NUCB2: variants seen among roughly 807,000 people sequenced by gnomAD.
The protein encoded by NUCB2 is nucleobindin-2.
Under a neutral mutation model 57.9 loss-of-function variants are expected in NUCB2, and 48 were observed. The observed-to-expected ratio is 0.83, with a 90% confidence interval of 0.66 to 1.05. The LOEUF is 1.05. Among genes scored for constraint, NUCB2 ranks in the 50% least tolerant of loss-of-function variants. The probability of loss-of-function intolerance (pLI) is 0.00; values close to 1 mark genes in which losing one functional copy is unlikely to be tolerated. For missense variants in NUCB2, 442 were observed against 476.2 expected (o/e 0.93, Z 0.67); for synonymous variants, 139 against 152.1 (o/e 0.91, Z 0.64).
intron 11 of NUCB2, among the ~76,000 whole-genome samples, chr11:17,317,185 G>C (rs192712493): frequency 6.6e-6 from 1 of 151,864 alleles, no homozygotes; most frequent in African/African-American, 2.4e-5. Flanking sequence ...TTTCAACCAG[G>C]TTTAACTACA....
chr11:17,341,924 A>C lies in NUCB2; in HGVS notation n.2626+4390A>C, dbSNP rs547440875. ...TCCTCCTTGTACCTCTGGTAGAATTAGGCTGTGAATCCATCTGGTCCTGGA... is the reference window on the plus strand; with the variant it reads ...TCCTCCTTGTACCTCTGGTAGAATTCGGCTGTGAATCCATCTGGTCCTGGA... On this transcript the variant is annotated intron_variant and non_coding_transcript_variant, in intron 2 of 2. Transcript: ENST00000532240. Among the ~76,000 whole-genome samples the C allele has an allele frequency of 1.6e-4, 25 of 152,216 alleles. No individual in the cohort carries two copies. In the South Asian group the frequency reaches 2.1e-3, roughly 13 times the overall value.
At chr11:17,339,423 C>T (rs892922426) in intron 2 of NUCB2, among the ~76,000 whole-genome samples, 4 of 151,912 alleles carry the variant, frequency 2.6e-5, no homozygotes, top group East Asian at 1.9e-4. Context: ...CATATGTATA[C>T]GTGTGCCATG....
At chr11:17,344,034 T>C (rs368366437) in intron 2 of NUCB2, among the ~76,000 whole-genome samples, 7 of 152,308 alleles carry the variant, frequency 4.6e-5, no homozygotes, top group African/African-American at 1.7e-4. Flanking sequence ...CCCTCATTCC[T>C]GGTTTGGTTT....
In NUCB2 at chr11:17,309,649, A is replaced by G. The variant is rs757636263; in HGVS notation, c.457A>G (p.Thr153Ala). 3 of 1,605,820 alleles carry G rather than the reference A, an allele frequency of 1.9e-6. No homozygotes were observed. In the Admixed American group the frequency reaches 5.2e-5, roughly 28 times the overall value. ...NHLNPDKFES[T>A]DLDMLIKAAT... is the part of the protein sequence containing the mutation. ...CCTGAATCCTGACAAGTTTGAATCC[A>G]CAGATTTAGATATGCTAATCAAAGC... is the stretch of plus-strand genomic sequence containing the variant. Residue 153 changes from threonine to alanine, a missense_variant, in exon 6 of 14, where the codon ACA becomes GCA. By Grantham distance (58) the Thr-to-Ala change is moderately conservative. Coordinates refer to ENST00000529010, the MANE Select transcript of NUCB2 (RefSeq NM_005013.4).
chr11:17,340,665 T>C (rs1332516308), intron 2 of NUCB2, among the ~76,000 whole-genome samples: 3 of 152,326 alleles, frequency 2.0e-5, no homozygotes, highest in South Asian at 2.1e-4. Context: ...GTTGTAGATA[T>C]GCGGCATTAT....
Position 17,309,574 on chromosome 11 carries a change from A to G in NUCB2, c.382A>G (p.Ile128Val). ...IKAKLDSLQD[I>V]GMDHQALLKQ... ...ACAGTTTTCTTATTTTCTTTCAGAT[A>G]TAGGCATGGACCACCAAGCTCTTCT... Residue 128 changes from isoleucine to valine, a missense_variant and splice_region_variant, in exon 6 of 14, where the codon ATA (isoleucine) becomes GTA (valine). Ile to Val is a conservative substitution (Grantham distance 29). Transcript: ENST00000529010. 2.6e-6 allele frequency: 4 copies of G among 1,551,168 alleles called. No homozygotes were observed. The highest frequency in any genetic ancestry group is 1.7e-4 in the Middle Eastern group (1 of 5,810).
rs374810599 is a variant in NUCB2, at chr11:17,311,315, A to G, written c.760+32A>G. 8 of 1,420,396 alleles carry G rather than the reference A, an allele frequency of 5.6e-6. No individual in the cohort carries two copies. In the African/African-American group the frequency reaches 7.1e-5, roughly 13 times the overall value. 88.0% of individuals were successfully genotyped at this position (1,420,396 alleles called of 1,614,324 possible). On this transcript the variant is annotated intron_variant, in intron 8 of 13. Transcript: ENST00000529010. ...ATTTGATACAAATATTAATATTTATATCTGCTGCTTGAAAAAGTATTTGCT... is the reference window on the plus strand; with the variant it reads ...ATTTGATACAAATATTAATATTTATGTCTGCTGCTTGAAAAAGTATTTGCT...
chr11:17,295,459 G>A lies in NUCB2; in HGVS notation c.136G>A (p.Glu46Lys). Residue 46 changes from glutamate (E) to lysine (K), a missense_variant, in exon 3 of 14, where the codon GAA (glutamate) becomes AAA (lysine). By Grantham distance (56) the Glu-to-Lys change is moderately conservative. Coordinates refer to ENST00000529010, the MANE Select transcript of NUCB2 (RefSeq NM_005013.4). ...TCACCCTGTGGAAAGTGCGAAGATA[G>A]AACCACCAGTAAGTGAAATGAAGTG... Reference protein sequence around the residue: ...NIHPVESAKIEPPDTGLYYDE... With the variant: ...NIHPVESAKIKPPDTGLYYDE... 6.2e-7 allele frequency: 1 copy of A among 1,608,300 alleles called. No individual in the cohort carries two copies. The highest frequency in any genetic ancestry group is 1.1e-5 in the South Asian group (1 of 90,172).
chr11:17,288,549 C>CTTTTTTTTTTTTT (rs752336919), intron 2 of NUCB2, among the ~76,000 whole-genome samples: 3 of 75,856 alleles, frequency 4.0e-5, no homozygotes, highest in East Asian at 8.5e-4. Context: ...TCTTCTTCTT[C>CTTTTTTTTTTTTT]TTCTTTTTTT....
chr11:17,277,883 C>T (rs1190846915), intron 1 of NUCB2, among the ~76,000 whole-genome samples: 1 of 152,022 alleles, frequency 6.6e-6, no homozygotes, highest in African/African-American at 2.4e-5. Context: ...AAATGTTGAA[C>T]AAATATTTCA....
intron 11 of NUCB2, among the ~76,000 whole-genome samples, chr11:17,323,720 G>T (rs918651065): frequency 6.6e-6 from 1 of 152,090 alleles, no homozygotes; most frequent in Admixed American, 6.6e-5. Context: ...TTTGCTGGGT[G>T]ACTTTTTTTT....
At position 17,293,253 on chromosome 11, in the gene NUCB2, C is replaced by CA. The variant is rs35448937; in HGVS notation, c.1-2052dup. On this transcript the variant is annotated intron_variant, in intron 2 of 13. Transcript: ENST00000529010. ...TGGGCGATAGAGCAAGACTCTGTCT[C>CA]AAAAAAAAAAAAAAAAAAAGATGTT... Among the ~76,000 whole-genome samples, 144 of 104,978 alleles carry CA rather than the reference C, an allele frequency of 1.4e-3. 1 individual carries two copies. The highest frequency in any genetic ancestry group is 5.3e-3 in the Middle Eastern group (1 of 188). 68.9% of individuals were successfully genotyped at this position (104,978 alleles called of 152,430 possible). A position where few individuals can be genotyped will look rare whatever the true frequency, so the allele number is the denominator to read the frequency against.
At chr11:17,327,991 T>A (rs1027529022) in intron 11 of NUCB2, among the ~76,000 whole-genome samples, 1 of 152,206 alleles carries the variant, frequency 6.6e-6, no homozygotes, top group Non-Finnish European at 1.5e-5. Flanking sequence ...TGTGTGTAGA[T>A]GTTTGTTGGT....
At chr11:17,329,223 A>G (rs930918942) in intron 11 of NUCB2, among the ~76,000 whole-genome samples, 2 of 152,090 alleles carry the variant, frequency 1.3e-5, no homozygotes, top group African/African-American at 4.8e-5. Context: ...AGTCACTTTC[A>G]TAGCCACAAG....
intron 11 of NUCB2, among the ~76,000 whole-genome samples, chr11:17,325,494 C>T (rs1950557210): frequency 6.6e-6 from 1 of 152,154 alleles, no homozygotes; most frequent in African/African-American, 2.4e-5. Flanking sequence ...ACTGCTCCTG[C>T]TACTGCTCTT....
downstream of NUCB2, among the ~76,000 whole-genome samples, chr11:17,336,061 A>AT (rs956043905): frequency 4.9e-4 from 75 of 151,952 alleles, no homozygotes; most frequent in Admixed American, 2.4e-3. Flanking sequence ...TGGATTTCGG[A>AT]TTTTTTTGTA....
intron 11 of NUCB2, among the ~76,000 whole-genome samples, chr11:17,323,052 C>T (rs1331593778): frequency 1.3e-5 from 2 of 151,840 alleles, no homozygotes; most frequent in South Asian, 4.1e-4. Context: ...TTCTTCCATT[C>T]CAGTTTGGAT....
At chr11:17,310,569 C>A (rs1364074407) in intron 6 of NUCB2, among the ~76,000 whole-genome samples, 1 of 152,064 alleles carries the variant, frequency 6.6e-6, no homozygotes, top group Non-Finnish European at 1.5e-5. Flanking sequence ...ATCGCTTGAA[C>A]CAAGAGGTGG....
chr11:17,348,319 G>GTTTTTTTTTTTTTTTTTT (rs55741571), intron 2 of NUCB2, among the ~76,000 whole-genome samples: 1 of 84,470 alleles, frequency 1.2e-5, no homozygotes. Context: ...TTGTTTTTGT[G>GTTTTTTTTTTTTTTTTTT]TTTTTTTTTT....
Sources: gnomAD v4.1 joint callset for allele counts (sites outside exome capture counted in the v4.1 genomes callset) on GRCh38, gnomAD v4.1.1 for gene constraint, MANE v1.5 for transcripts, NCBI Gene and HGNC (gene_info 2026-07-23, HGNC 2026-07-21) for gene names.